Variants in GABRB2 observed in about 807,000 individuals in gnomAD.
GABRB2 encodes the protein gamma-aminobutyric acid type A receptor subunit beta2.
Under a neutral mutation model 54.7 loss-of-function variants are expected in GABRB2, and 16 were observed. That is an observed-to-expected ratio of 0.29 (90% CI 0.20 to 0.44). GABRB2 has a LOEUF of 0.44. Ranked by LOEUF, GABRB2 falls within the 20% of genes least tolerant of loss-of-function variation. The pLI is 1.00. For missense variants in GABRB2, 355 were observed against 644.0 expected, an observed-to-expected ratio of 0.55 and a Z score of 4.86; for synonymous variants, 244 against 233.8, an observed-to-expected ratio of 1.04 and a Z score of -0.40.
chr5:161,379,816 G>C (rs936171292), intron 5 of GABRB2, among the ~76,000 whole-genome samples: 2 of 152,084 alleles, frequency 1.3e-5, no homozygotes, highest in African/African-American at 2.4e-5. Context: ...TTCCAGAAAG[G>C]GGAACATTTG....
chr5:161,542,022 A>G (rs1197019392), intron 3 of GABRB2, among the ~76,000 whole-genome samples: 1 of 152,154 alleles, frequency 6.6e-6, no homozygotes, highest in East Asian at 1.9e-4. Context: ...CCCAATTTCC[A>G]TATTGTTGTG....
At chr5:161,416,695 T>TAAAAAAAAAAAAAAAAA (rs1756678918) in intron 4 of GABRB2, among the ~76,000 whole-genome samples, 1 of 6,314 alleles carries the variant, frequency 1.6e-4, no homozygotes, top group South Asian at 7.9e-3. Context: ...AGACTCCGTC[T>TAAAAAAAAAAAAAAAAA]CAAAAAAAAA....
chr5:161,432,917 T>C (rs7714930), intron 4 of GABRB2, among the ~76,000 whole-genome samples: 41,541 of 151,920 alleles, frequency 0.27, 7,151 homozygotes, highest in African/African-American at 0.49. Context: ...TTCAATATAA[T>C]CTTTGAGATT....
chr5:161,455,386 G>C (rs1183452414), intron 4 of GABRB2, among the ~76,000 whole-genome samples: 2 of 152,110 alleles, frequency 1.3e-5, no homozygotes, highest in Non-Finnish European at 2.9e-5. Context: ...GTACTCAAAG[G>C]ATGTGTTCAT....
chr5:161,476,652 A>G (rs373467430), intron 3 of GABRB2, among the ~76,000 whole-genome samples: 14 of 151,980 alleles, frequency 9.2e-5, no homozygotes, highest in African/African-American at 3.4e-4. Context: ...GTACGAATAA[A>G]TGCTCTTAAG....
rs377269121 is a variant in GABRB2 at position 161,445,238 on chromosome 5, A to G, written c.458+14386T>C. Among the ~76,000 whole-genome samples, 433 of 152,232 alleles carry G rather than the reference A, an allele frequency of 2.8e-3. 5 individuals carry two copies. Among genetic ancestry groups the G allele is most frequent in the African/African-American group, 1.0e-2 (415 of 41,552 alleles). On this transcript the variant is annotated intron_variant, in intron 4 of 9. Coordinates refer to ENST00000393959, the MANE Select transcript of GABRB2 (RefSeq NM_001371727.1). ...CATAATGCATATAGTTATAAAGAAT[A>G]AAAAAGGCAGTGATATGAAAGAGAG...
intron 5 of GABRB2, among the ~76,000 whole-genome samples, chr5:161,405,762 C>G (rs1756332189): frequency 6.6e-6 from 1 of 151,952 alleles, no homozygotes; most frequent in Non-Finnish European, 1.5e-5. Context: ...TAGCATAACC[C>G]AATACAAAAT....
chr5:161,310,927 A>AT (rs1164305728), intron 9 of GABRB2, among the ~76,000 whole-genome samples: 2 of 151,806 alleles, frequency 1.3e-5, no homozygotes, highest in African/African-American at 4.8e-5. Flanking sequence ...CGCCCGGCTA[A>AT]TTTTTTGTAT....
chr5:161,368,995 A>G (rs950105119), intron 5 of GABRB2, among the ~76,000 whole-genome samples: 1 of 152,126 alleles, frequency 6.6e-6, no homozygotes, highest in African/African-American at 2.4e-5. Context: ...GTTTTATTAG[A>G]TCTTATTTTT....
chr5:161,386,196 G>T (rs1367138345), intron 5 of GABRB2, among the ~76,000 whole-genome samples: 1 of 151,924 alleles, frequency 6.6e-6, no homozygotes, highest in South Asian at 2.1e-4. Context: ...AGCAATATCT[G>T]CCAACATTTT....
intron 4 of GABRB2, among the ~76,000 whole-genome samples, chr5:161,417,345 TAA>T (rs1456781434): frequency 6.6e-6 from 1 of 152,244 alleles, no homozygotes; most frequent in African/African-American, 2.4e-5. Flanking sequence ...TAATGTGAGT[TAA>T]GTCATATTGT....
intron 4 of GABRB2, among the ~76,000 whole-genome samples, chr5:161,414,729 A>T (rs1471969602): frequency 6.6e-6 from 1 of 151,522 alleles, no homozygotes; most frequent in Non-Finnish European, 1.5e-5. Flanking sequence ...CAAATAAAAA[A>T]TATTAATTAT....
chr5:161,453,975 T>C (rs1580999133), intron 4 of GABRB2, among the ~76,000 whole-genome samples: 1 of 151,016 alleles, frequency 6.6e-6, no homozygotes, highest in South Asian at 2.1e-4. Flanking sequence ...GAGGCAGAGG[T>C]TGCAGTGAGC....
At chr5:161,364,918 AT>A (rs1388083311) in intron 5 of GABRB2, among the ~76,000 whole-genome samples, 2 of 152,044 alleles carry the variant, frequency 1.3e-5, no homozygotes, top group Non-Finnish European at 2.9e-5. Flanking sequence ...TAATTAAGAA[AT>A]TTTTTTCTGG....
Position 161,341,802 on chromosome 5 carries a change from A to G in GABRB2, c.542-5033T>C, listed in dbSNP as rs573295084. 4.6e-5 allele frequency among the ~76,000 whole-genome samples: 7 copies of G among 150,620 alleles called. No homozygotes were observed. In the South Asian group the frequency reaches 1.0e-3, roughly 22 times the overall value. ...TTACTGTCAATCTATATATTTTGTT[A>G]TCTACTAAGTCAATATTTCATTTTA... On this transcript the variant is annotated intron_variant, in intron 5 of 9. Coordinates refer to ENST00000393959, the MANE Select transcript of GABRB2 (RefSeq NM_001371727.1).
chr5:161,354,812 A>AGT (rs1754567937), intron 5 of GABRB2, among the ~76,000 whole-genome samples: 1 of 152,072 alleles, frequency 6.6e-6, no homozygotes, highest in Admixed American at 6.6e-5. Flanking sequence ...TAATGCAAAA[A>AGT]AATTACTTTT....
At chr5:161,380,277 T>A (rs1755425536) in intron 5 of GABRB2, among the ~76,000 whole-genome samples, 2 of 152,182 alleles carry the variant, frequency 1.3e-5, no homozygotes, top group African/African-American at 4.8e-5. Flanking sequence ...TTTCCTTCTA[T>A]AAAATTTTAC....
At chr5:161,322,846 C>A (rs1758251675) in intron 9 of GABRB2, among the ~76,000 whole-genome samples, 1 of 151,966 alleles carries the variant, frequency 6.6e-6, no homozygotes, top group Non-Finnish European at 1.5e-5. Context: ...GCTTTGCCTT[C>A]ATTTTCTCTC....
intron 5 of GABRB2, among the ~76,000 whole-genome samples, chr5:161,361,799 G>A (rs1754816443): frequency 1.3e-5 from 2 of 152,074 alleles, no homozygotes; most frequent in African/African-American, 4.8e-5. Flanking sequence ...AGTCCATCCT[G>A]GGCAACACAG....
Sources: allele counts gnomAD v4.1 joint callset (sites outside exome capture counted in the v4.1 genomes callset), GRCh38; gene constraint gnomAD v4.1.1; transcripts MANE v1.5; gene names NCBI Gene and HGNC (gene_info 2026-07-23, HGNC 2026-07-21).